Variants in MAML2 observed in about 807,000 individuals in gnomAD.
The protein encoded by MAML2 is mastermind-like protein 2.
In MAML2, 22 loss-of-function variants were observed where a neutral mutation model predicts 96.1. The observed-to-expected ratio is 0.23, with a 90% CI of 0.16 to 0.33. The LOEUF (loss-of-function observed/expected upper bound fraction) is 0.33. Among genes scored for constraint, MAML2 ranks in the 10% least tolerant of loss-of-function variants. MAML2 has a pLI of 1.00. For synonymous variants in MAML2, 561 were observed against 521.3 expected, an observed-to-expected ratio of 1.08 and a Z score of -1.04; for missense variants, 1,367 against 1,392.4, an observed-to-expected ratio of 0.98 and a Z score of 0.29.
intron 1 of MAML2, among the ~76,000 whole-genome samples, chr11:96,122,121 T>C (rs748381790): frequency 2.6e-5 from 4 of 151,864 alleles, no homozygotes; most frequent in African/African-American, 4.8e-5. Flanking sequence ...CTGTCTGCTA[T>C]GATTTTAACT....
intron 1 of MAML2, among the ~76,000 whole-genome samples, chr11:96,294,702 T>C (rs1228836780): frequency 6.6e-6 from 1 of 152,214 alleles, no homozygotes; most frequent in Non-Finnish European, 1.5e-5. Context: ...AGAGGTAACA[T>C]TTATTGAACA....
intron 2 of MAML2, among the ~76,000 whole-genome samples, chr11:96,000,348 A>G (rs1858061913): frequency 6.6e-6 from 1 of 152,198 alleles, no homozygotes; most frequent in Non-Finnish European, 1.5e-5. Context: ...ATAAAATTTT[A>G]TTGGAACACA....
At chr11:96,039,672 C>A (rs1028022841) in intron 2 of MAML2, among the ~76,000 whole-genome samples, 3 of 150,434 alleles carry the variant, frequency 2.0e-5, no homozygotes, top group African/African-American at 7.3e-5. Flanking sequence ...ATCGGCCGGG[C>A]GCGGTGGCTC....
intron 1 of MAML2, among the ~76,000 whole-genome samples, chr11:96,221,794 T>C (rs1407898953): frequency 6.6e-6 from 1 of 151,902 alleles, no homozygotes; most frequent in Admixed American, 6.6e-5. Context: ...AGCTAAAATG[T>C]TGCCACATTT....
intron 1 of MAML2, among the ~76,000 whole-genome samples, chr11:96,214,795 T>C (rs1031950306): frequency 6.6e-6 from 1 of 152,226 alleles, no homozygotes; most frequent in Non-Finnish European, 1.5e-5. Context: ...TGCTGAAAAC[T>C]ATAGAAAGTC....
chr11:96,274,071 CTTTTCCTTTTTTTTTTTTT>C (rs1225006504), intron 1 of MAML2, among the ~76,000 whole-genome samples: 1 of 142,230 alleles, frequency 7.0e-6, no homozygotes, highest in Admixed American at 7.0e-5. Context: ...TTTCTTTTTC[CTTTTCCTTTTTTTTTTTTT>C]TTTTTTTTTT....
Position 95,979,044 on chromosome 11 carries a change from A to T in MAML2, c.3375T>A (p.Asp1125Glu), listed in dbSNP as rs1268867636. The T allele has an allele frequency of 6.2e-7, 1 of 1,613,888 alleles. No homozygotes were observed. The highest frequency in any genetic ancestry group is 1.3e-5 in the African/African-American group (1 of 74,942). ...TCAATAAAGAATCAATGAAATCAGC[A>T]TCACTGTTTAGGGCAGGGCCCATGT... ...NDNMGPALNS[D>E]ADFIDSLLKT... The change falls in exon 5 of 5, where the codon GAT becomes GAA. Residue 1125 changes from aspartate (D) to glutamate (E), a missense_variant. Transcript: ENST00000524717.
At chr11:96,205,817 A>T (rs986379371) in intron 1 of MAML2, among the ~76,000 whole-genome samples, 1 of 152,004 alleles carries the variant, frequency 6.6e-6, no homozygotes, top group Non-Finnish European at 1.5e-5. Context: ...ATCCATCCCT[A>T]CCTTCTTTGT....
rs538939488 is a variant in MAML2, at chr11:96,307,203, C to T, written c.513+34180G>A. The stretch of plus-strand genomic sequence containing the variant: ...CCCTGCTCCCGCTTTCCTTTTCTAA[C>T]AGCAAAGGATATCATTGCAGCCAGC... On this transcript the variant is annotated intron_variant, in intron 1 of 4. Transcript: ENST00000524717. Among the ~76,000 whole-genome samples, 3 of 152,304 alleles carry T rather than the reference C, an allele frequency of 2.0e-5. No individual in the cohort carries two copies. The South Asian group carries it at 6.2e-4, about 32-fold the overall frequency.
At position 96,013,275 on chromosome 11, in the gene MAML2, A is replaced by G. The variant is rs77455260; in HGVS notation, c.2140-21552T>C. Among the ~76,000 whole-genome samples the G allele has an allele frequency of 4.1e-3, 627 of 152,352 alleles. 5 individuals carry two copies. Among genetic ancestry groups the G allele is most frequent in the African/African-American group, 0.015 (613 of 41,584 alleles). Reference sequence around the variant, plus strand: ...TGAGATAACCCTAAGCATTCTTTGTATCTATTCACTTCTCTCTTCAAAGTA... The same window carrying G: ...TGAGATAACCCTAAGCATTCTTTGTGTCTATTCACTTCTCTCTTCAAAGTA... On this transcript the variant is annotated intron_variant, in intron 2 of 4. Transcript: ENST00000524717.
intron 2 of MAML2, among the ~76,000 whole-genome samples, chr11:96,091,518 C>T (rs999885663): frequency 3.3e-5 from 5 of 152,238 alleles, no homozygotes; most frequent in African/African-American, 9.6e-5. Context: ...ATAATAACAA[C>T]ATCTTGCACA....
chr11:96,058,147 G>T (rs1470088780), intron 2 of MAML2, among the ~76,000 whole-genome samples: 7 of 152,180 alleles, frequency 4.6e-5, no homozygotes, highest in Non-Finnish European at 1.5e-5. Flanking sequence ...ATTTTCTTCT[G>T]ACTACTTCCA....
chr11:96,286,290 C>T (rs929895509), intron 1 of MAML2, among the ~76,000 whole-genome samples: 1 of 152,152 alleles, frequency 6.6e-6, no homozygotes. Flanking sequence ...CACATGAACA[C>T]ATTGCGGGGA....
At chr11:96,240,289 G>A (rs144517859) in intron 1 of MAML2, among the ~76,000 whole-genome samples, 2,441 of 152,116 alleles carry the variant, frequency 0.016, 96 homozygotes, top group South Asian at 0.16. Flanking sequence ...CTGATGTCAC[G>A]CCTGTAATCC....
At chr11:96,243,981 G>A (rs934763889) in intron 1 of MAML2, among the ~76,000 whole-genome samples, 1 of 152,194 alleles carries the variant, frequency 6.6e-6, no homozygotes, top group Non-Finnish European at 1.5e-5. Flanking sequence ...ACTCAGGTCC[G>A]CTGGCCTTCC....
intron 1 of MAML2, among the ~76,000 whole-genome samples, chr11:96,135,585 G>C (rs1860617930): frequency 1.5e-5 from 2 of 134,834 alleles, no homozygotes; most frequent in South Asian, 2.6e-4. Context: ...TGATTTTATA[G>C]TATTTTTGTG....
At chr11:96,068,794 C>G (rs1390714636) in intron 2 of MAML2, among the ~76,000 whole-genome samples, 7 of 147,760 alleles carry the variant, frequency 4.7e-5, no homozygotes, top group African/African-American at 1.8e-4. Flanking sequence ...GGCGCCATTG[C>G]ACTCCAGCCT....
At chr11:96,035,484 T>C (rs577144765) in intron 2 of MAML2, among the ~76,000 whole-genome samples, 9 of 152,276 alleles carry the variant, frequency 5.9e-5, no homozygotes, top group African/African-American at 2.2e-4. Flanking sequence ...AGGTGTTAGC[T>C]CCTGGCACTG....
chr11:96,324,146 G>A (rs1177729060), intron 1 of MAML2, among the ~76,000 whole-genome samples: 1 of 152,126 alleles, frequency 6.6e-6, no homozygotes, highest in African/African-American at 2.4e-5. Flanking sequence ...GCTCCTATAC[G>A]AGGTGCGAAG....
Sources: gnomAD v4.1 joint callset for allele counts (sites outside exome capture counted in the v4.1 genomes callset) on GRCh38, gnomAD v4.1.1 for gene constraint, MANE v1.5 for transcripts, NCBI Gene and HGNC (gene_info 2026-07-23, HGNC 2026-07-21) for gene names.